CEP83: variants seen among roughly 807,000 people sequenced by gnomAD.
CEP83 encodes the protein centrosomal protein of 83 kDa.
A neutral mutation model predicts 101.9 loss-of-function variants in CEP83; 70 were observed. That is an observed-to-expected ratio of 0.69 (90% CI 0.57 to 0.84). The LOEUF is 0.84. Ranked by LOEUF, CEP83 falls within the 40% of genes least tolerant of loss-of-function variation. The pLI, the probability that CEP83 is intolerant of heterozygous loss-of-function variation, is 0.00. For synonymous variants in CEP83, 264 were observed against 267.9 expected (o/e 0.99, Z 0.14); for missense variants, 715 against 787.2 (o/e 0.91, Z 1.10).
chr12:94,305,450 T>TAC, downstream of CEP83: 1 of 584,758 alleles, frequency 1.7e-6, no homozygotes, highest in East Asian at 2.8e-5. Context: ...TTAGAAAGCA[T>TAC]ACCAACCCTT....
chr12:94,416,985 C>CA (rs1050416923), intron 2 of CEP83, among the ~76,000 whole-genome samples: 5 of 151,650 alleles, frequency 3.3e-5, no homozygotes, highest in African/African-American at 1.2e-4. Context: ...ACCCCCCTCC[C>CA]AAAAAAAACT....
At chr12:94,458,293 G>A (rs1319840889) in intron 1 of CEP83, among the ~76,000 whole-genome samples, 1 of 152,046 alleles carries the variant, frequency 6.6e-6, no homozygotes, top group South Asian at 2.1e-4. Flanking sequence ...TATTATTTGA[G>A]AATGTTCTAA....
chr12:94,313,530 A>AG (rs1359948873), intron 14 of CEP83, among the ~76,000 whole-genome samples: 1 of 142,870 alleles, frequency 7.0e-6, no homozygotes, highest in Non-Finnish European at 1.5e-5. Flanking sequence ...AACCCATTAA[A>AG]AAAAAAAAAA....
At chr12:94,359,415 C>T (rs976678110) in intron 11 of CEP83, among the ~76,000 whole-genome samples, 1 of 151,972 alleles carries the variant, frequency 6.6e-6, no homozygotes. Context: ...TGAGAAGACC[C>T]AAATAAATAA....
intron 6 of CEP83, among the ~76,000 whole-genome samples, chr12:94,381,018 C>T (rs2061820589): frequency 6.6e-6 from 1 of 152,068 alleles, no homozygotes; most frequent in Non-Finnish European, 1.5e-5. Context: ...TCTAATTTTG[C>T]TATTCATTTA....
In CEP83 at chr12:94,308,631, C is replaced by T. The variant is rs563056477; in HGVS notation, c.*182G>A. 5 of 406,848 alleles carry T rather than the reference C, an allele frequency of 1.2e-5. No homozygotes were observed. The South Asian group carries it at 3.1e-4, about 25-fold the overall frequency. The allele number at this position is 406,848 out of a possible 1,614,324, so 25.2% of individuals were successfully genotyped here. ...TCTGAGAATTTCTCTTTTAATGCTTCACTTGTATAATCTTAAAATCCTGAC... is the reference window on the plus strand; with the variant it reads ...TCTGAGAATTTCTCTTTTAATGCTTTACTTGTATAATCTTAAAATCCTGAC... On this transcript the variant is annotated 3_prime_UTR_variant, in exon 17 of 17. Transcript: ENST00000397809.
intron 1 of CEP83, among the ~76,000 whole-genome samples, chr12:94,454,390 G>C (rs2067484095): frequency 6.6e-6 from 1 of 152,200 alleles, no homozygotes; most frequent in South Asian, 2.1e-4. Context: ...TGTGGACTTG[G>C]AGAACTTTTC....
intron 2 of CEP83, among the ~76,000 whole-genome samples, chr12:94,423,546 C>T (rs1218526198): frequency 1.3e-5 from 2 of 151,802 alleles, no homozygotes; most frequent in African/African-American, 2.4e-5. Context: ...CCCCAGGCTC[C>T]ATCAGCAACA....
the CEP83 span, among the ~76,000 whole-genome samples, chr12:94,274,927 T>C: frequency 6.6e-6 from 1 of 152,240 alleles, no homozygotes; most frequent in African/African-American, 2.4e-5. Flanking sequence ...TTTAAAACAG[T>C]GTCTGGCACC....
At chr12:94,441,875 A>G (rs1178041718) in intron 1 of CEP83, among the ~76,000 whole-genome samples, 2 of 144,054 alleles carry the variant, frequency 1.4e-5, no homozygotes, top group African/African-American at 5.2e-5. Flanking sequence ...AGATCGCACC[A>G]CTGCACTCCA....
At chr12:94,381,385 CTCTAT>C (rs1230727273) in intron 6 of CEP83, among the ~76,000 whole-genome samples, 11 of 152,258 alleles carry the variant, frequency 7.2e-5, no homozygotes, top group Admixed American at 2.6e-4. Flanking sequence ...TCTACATTTA[CTCTAT>C]TCTATTCTAA....
At chr12:94,438,558 T>C (rs1214400110) in intron 1 of CEP83, among the ~76,000 whole-genome samples, 1 of 152,054 alleles carries the variant, frequency 6.6e-6, no homozygotes, top group Non-Finnish European at 1.5e-5. Flanking sequence ...CAATTACTAC[T>C]AGACCTAAGA....
intron 2 of CEP83, among the ~76,000 whole-genome samples, chr12:94,425,859 G>A (rs1226483632): frequency 2.0e-5 from 3 of 152,104 alleles, no homozygotes; most frequent in Non-Finnish European, 4.4e-5. Flanking sequence ...GGTGGCTCAC[G>A]CCTGTAATCC....
intron 11 of CEP83, among the ~76,000 whole-genome samples, chr12:94,339,051 G>A (rs12425550): frequency 0.097 from 14,631 of 150,844 alleles, 805 homozygotes; most frequent in Admixed American, 0.15. Flanking sequence ...CGCAACCTCC[G>A]CCTCCTGGGT....
chr12:94,281,265 G>C, the CEP83 span, among the ~76,000 whole-genome samples: 1 of 152,060 alleles, frequency 6.6e-6, no homozygotes, highest in Non-Finnish European at 1.5e-5. Flanking sequence ...GGCAATGGAG[G>C]GAGACCCTGT....
the CEP83 span, among the ~76,000 whole-genome samples, chr12:94,293,869 T>C: frequency 1.3e-5 from 2 of 152,096 alleles, no homozygotes; most frequent in Non-Finnish European, 2.9e-5. Context: ...GATCCTCCTC[T>C]TCTTCCTCCC....
intron 1 of CEP83, among the ~76,000 whole-genome samples, chr12:94,456,486 T>A (rs1330560468): frequency 6.6e-6 from 1 of 152,154 alleles, no homozygotes; most frequent in Non-Finnish European, 1.5e-5. Context: ...GATTGGGTAA[T>A]TTATAAAGGA....
chr12:94,412,683 TTTTTTTTTTC>T (rs2063963703), intron 2 of CEP83, 92 bp from the exon 3 acceptor site: 2 of 384,760 alleles, frequency 5.2e-6, no homozygotes, highest in South Asian at 4.8e-5. Flanking sequence ...TTTATTATTC[TTTTTTTTTTC>T]TTTTTTTTTT....
intron 11 of CEP83, among the ~76,000 whole-genome samples, chr12:94,347,132 G>A (rs1362718152): frequency 1.4e-5 from 2 of 147,416 alleles, no homozygotes; most frequent in Non-Finnish European, 3.0e-5. Flanking sequence ...TAAATGAAAA[G>A]GAAAGTCATA....
Sources: gnomAD v4.1 joint callset for allele counts (sites outside exome capture counted in the v4.1 genomes callset) on GRCh38, gnomAD v4.1.1 for gene constraint, MANE v1.5 for transcripts, NCBI Gene and HGNC (gene_info 2026-07-23, HGNC 2026-07-21) for gene names.